Variants in IQSEC1 observed in about 807,000 individuals in gnomAD.
IQSEC1 encodes the protein IQ motif and SEC7 domain-containing protein 1.
Under a neutral mutation model 91.0 loss-of-function variants are expected in IQSEC1, and 31 were observed. That is an observed-to-expected ratio of 0.34 (90% CI 0.26 to 0.46). The LOEUF (loss-of-function observed/expected upper bound fraction) is 0.46. Among genes scored for constraint, IQSEC1 ranks in the 20% least tolerant of loss-of-function variants. The probability of loss-of-function intolerance (pLI) is 1.00; values close to 1 mark genes in which losing one functional copy is unlikely to be tolerated. For synonymous variants in IQSEC1, 699 were observed against 662.6 expected, an observed-to-expected ratio of 1.05 and a Z score of -0.84; for missense variants, 1,388 against 1,575.6, an observed-to-expected ratio of 0.88 and a Z score of 2.02.
At chr3:12,991,090 G>A (rs1016797427) in intron 1 of IQSEC1, among the ~76,000 whole-genome samples, 6 of 152,138 alleles carry the variant, frequency 3.9e-5, no homozygotes, top group African/African-American at 1.4e-4. Context: ...GGGGTGAGAG[G>A]GAGTCTGGAA....
chr3:12,962,278 A>C (rs1221840358), intron 1 of IQSEC1, among the ~76,000 whole-genome samples: 4 of 152,218 alleles, frequency 2.6e-5, no homozygotes, highest in African/African-American at 9.7e-5. Context: ...GACACCGTTT[A>C]ATTGCTTTAC....
rs185044297 is a variant in IQSEC1, at chr3:12,970,284, G to C, written c.24-28419C>G. Among the ~76,000 whole-genome samples, 4 of 152,220 alleles carry C rather than the reference G, an allele frequency of 2.6e-5. No homozygotes were observed. The highest frequency in any genetic ancestry group is 9.7e-5 in the African/African-American group (4 of 41,442). On this transcript the variant is annotated intron_variant, in intron 1 of 13. Transcript: ENST00000613206. This position sits in a 1 kb window ranked among gnomAD's most constrained non-coding sequence, Gnocchi z 4.4. ...GCCCCAGGAGAGGCTCTAATGGGGG[G>C]ACATTTTGGGTTGGACCTTGAGGGA... is the stretch of plus-strand genomic sequence containing the variant.
At chr3:13,241,310 T>C (rs555362805) in intron 1 of IQSEC1, among the ~76,000 whole-genome samples, 1 of 152,278 alleles carries the variant, frequency 6.6e-6, no homozygotes, top group African/African-American at 2.4e-5. Context: ...ATATGTCAAG[T>C]TGGAAGCTTT....
chr3:12,939,649 A>G (rs1415890232), intron 2 of IQSEC1, among the ~76,000 whole-genome samples: 2 of 151,370 alleles, frequency 1.3e-5, no homozygotes. Context: ...CCTCCCTCTT[A>G]CCTCTTTGGA....
At chr3:12,943,364 T>C (rs1157705031) in intron 1 of IQSEC1, among the ~76,000 whole-genome samples, 11 of 152,222 alleles carry the variant, frequency 7.2e-5, no homozygotes, top group Non-Finnish European at 1.6e-4. Context: ...CTTTTCACTG[T>C]GTGCAGACGC....
intron 1 of IQSEC1, among the ~76,000 whole-genome samples, chr3:13,258,108 C>G (rs530873137): frequency 6.6e-5 from 10 of 152,028 alleles, no homozygotes; most frequent in Admixed American, 5.9e-4. Context: ...GAGGATTTTG[C>G]GGGGGGCGGG....
At chr3:13,188,910 T>A (rs945488037) in intron 1 of IQSEC1, among the ~76,000 whole-genome samples, 1 of 152,242 alleles carries the variant, frequency 6.6e-6, no homozygotes, top group African/African-American at 2.4e-5. Flanking sequence ...TTCACCAGGA[T>A]TTGAGTGGGC....
intron 1 of IQSEC1, among the ~76,000 whole-genome samples, chr3:13,003,276 CA>C (rs56239928): frequency 0.013 from 731 of 57,034 alleles, 3 homozygotes; most frequent in African/African-American, 0.042. Context: ...CTGTCTCTAC[CA>C]AAAAAAAAAA....
intron 1 of IQSEC1, among the ~76,000 whole-genome samples, chr3:13,208,306 A>G (rs1333157565): frequency 6.6e-6 from 1 of 151,714 alleles, no homozygotes; most frequent in Non-Finnish European, 1.5e-5. Flanking sequence ...AAAAGGAGCT[A>G]CTCCAAAGGG....
intron 1 of IQSEC1, among the ~76,000 whole-genome samples, chr3:13,242,743 G>A (rs1695040706): frequency 6.6e-6 from 1 of 152,210 alleles, no homozygotes; most frequent in Admixed American, 6.5e-5. Flanking sequence ...TGAAAACGAA[G>A]CCTTTTCCTT....
At chr3:13,071,800 G>C (rs1186548978) in intron 1 of IQSEC1, among the ~76,000 whole-genome samples, 1 of 116,384 alleles carries the variant, frequency 8.6e-6, no homozygotes, top group Admixed American at 1.1e-4. Flanking sequence ...CTGAACCAGA[G>C]GCCACTGCCA....
chr3:13,210,675 C>T (rs1234972649), intron 1 of IQSEC1, among the ~76,000 whole-genome samples: 1 of 152,142 alleles, frequency 6.6e-6, no homozygotes, highest in Non-Finnish European at 1.5e-5. Context: ...AGCCGGGGCT[C>T]CTCCGCTCTG....
rs576131925 is a variant in IQSEC1, at chr3:13,133,850, C to T, written c.302+30254G>A. Among the ~76,000 whole-genome samples the T allele has an allele frequency of 3.3e-5, 5 of 152,264 alleles. No individual in the cohort carries two copies. In the East Asian group the frequency reaches 5.8e-4, roughly 18 times the overall value. On this transcript the variant is annotated intron_variant, in intron 2 of 15. Transcript: ENST00000648114. The stretch of plus-strand genomic sequence containing the variant: ...CACGCTTAGCCTGCTGGCTTAGCTC[C>T]GAGACCTCCATAGGACAAGGAGCTA...
intron 2 of IQSEC1, among the ~76,000 whole-genome samples, chr3:13,090,781 C>G (rs1002152874): frequency 6.6e-6 from 1 of 152,128 alleles, no homozygotes; most frequent in African/African-American, 2.4e-5. Context: ...GACCTGGCAC[C>G]CTGTGACTCG....
intron 1 of IQSEC1, among the ~76,000 whole-genome samples, chr3:13,212,563 A>G (rs1259703698): frequency 6.6e-6 from 1 of 152,200 alleles, no homozygotes; most frequent in Non-Finnish European, 1.5e-5. Flanking sequence ...AGGGTAACAC[A>G]TGTCTAACTG....
At chr3:13,131,978 C>T (rs1304933020) in intron 2 of IQSEC1, among the ~76,000 whole-genome samples, 1 of 152,188 alleles carries the variant, frequency 6.6e-6, no homozygotes, top group East Asian at 1.9e-4. Flanking sequence ...ATTCTAGCAT[C>T]AGTGTCTGTT....
intron 1 of IQSEC1, among the ~76,000 whole-genome samples, chr3:13,274,848 T>C (rs1266834059): frequency 3.9e-5 from 6 of 152,262 alleles, no homozygotes; most frequent in Non-Finnish European, 8.8e-5. Flanking sequence ...GAACTTGGGC[T>C]GTCTCCAGGT....
intron 2 of IQSEC1, among the ~76,000 whole-genome samples, chr3:13,143,465 G>T (rs577009279): frequency 1.3e-5 from 2 of 152,216 alleles, no homozygotes; most frequent in Non-Finnish European, 2.9e-5. Context: ...CACAGAGGAC[G>T]CAGAGCCTTG....
chr3:13,181,622 C>G (rs1023558601), intron 1 of IQSEC1, among the ~76,000 whole-genome samples: 3 of 152,198 alleles, frequency 2.0e-5, no homozygotes, highest in Admixed American at 6.5e-5. Context: ...GGTAGACAGA[C>G]TTGTAGACAG....
Sources: gnomAD v4.1 joint callset for allele counts (sites outside exome capture counted in the v4.1 genomes callset) on GRCh38, gnomAD v4.1.1 for gene constraint, Gnocchi (gnomAD v3.1) non-coding constraint, MANE v1.5 for transcripts, NCBI Gene and HGNC (gene_info 2026-07-23, HGNC 2026-07-21) for gene names.